Variants in F5 observed in about 807,000 individuals in gnomAD.
F5 encodes the protein activated protein c cofactor.
A neutral mutation model predicts 216.4 loss-of-function variants in F5; 138 were observed. That is an observed-to-expected ratio of 0.64 (90% CI 0.56 to 0.73). F5 has a LOEUF of 0.73. Ranked by LOEUF, F5 falls within the 30% of genes least tolerant of loss-of-function variation. The pLI is 0.00. For missense variants in F5, 2,403 were observed against 2,674.0 expected, an observed-to-expected ratio of 0.90 and a Z score of 2.24; for synonymous variants, 916 against 930.7, an observed-to-expected ratio of 0.98 and a Z score of 0.29.
chr1:169,534,886 T>C (rs1659671132), intron 14 of F5, among the ~76,000 whole-genome samples: 1 of 152,062 alleles, frequency 6.6e-6, no homozygotes, highest in Non-Finnish European at 1.5e-5. Flanking sequence ...TGCAACAACA[T>C]GGATGCCAGC....
chr1:169,558,298 T>G (rs373922859), intron 5 of F5, among the ~76,000 whole-genome samples: 1 of 152,152 alleles, frequency 6.6e-6, no homozygotes, highest in Non-Finnish European at 1.5e-5. Flanking sequence ...GGGATCAACA[T>G]TGAGAGTCAT....
rs140462328 is a variant in F5 at position 169,550,799 on chromosome 1, G to T, written c.1297-60C>A. On this transcript the variant is annotated intron_variant, in intron 8 of 24. Coordinates refer to ENST00000367797, the MANE Select transcript of F5 (RefSeq NM_000130.5). ...AGGTTGATCATGACAAATAATATAA[G>T]ATACTAGCTTTGCATATTCACCTTT... 19 of 1,257,664 alleles carry T rather than the reference G, an allele frequency of 1.5e-5. No individual in the cohort carries two copies. The East Asian group carries it at 4.5e-4, about 30-fold the overall frequency. The allele number at this position is 1,257,664 out of a possible 1,614,324, so 77.9% of individuals were successfully genotyped here.
intron 17 of F5, among the ~76,000 whole-genome samples, chr1:169,526,310 C>G (rs1043277618): frequency 2.6e-5 from 4 of 152,156 alleles, no homozygotes; most frequent in Admixed American, 2.0e-4. Context: ...GCTTCACAGT[C>G]CTAATTATCA....
intron 15 of F5, among the ~76,000 whole-genome samples, chr1:169,530,263 G>A (rs1251415944): frequency 1.3e-5 from 2 of 152,134 alleles, no homozygotes; most frequent in South Asian, 4.1e-4. Context: ...AATTTCCTAG[G>A]ATTATGCATT....
chr1:169,536,500 A>T lies in F5; in HGVS notation c.4971+6T>A. On this transcript the variant is annotated splice_donor_region_variant and intron_variant, in intron 14 of 24. Coordinates refer to ENST00000367797, the MANE Select transcript of F5 (RefSeq NM_000130.5). Reference sequence around the variant, plus strand: ...CGAAGATCTTAGCAGTGCTCAAAAGACTTACTTGGATAACATCATCCACTT... The same window carrying T: ...CGAAGATCTTAGCAGTGCTCAAAAGTCTTACTTGGATAACATCATCCACTT... 1.2e-6 allele frequency: 2 copies of T among 1,612,700 alleles called. No homozygotes were observed. Among genetic ancestry groups the T allele is most frequent in the Non-Finnish European group, 1.7e-6 (2 of 1,178,984 alleles).
intron 2 of F5, among the ~76,000 whole-genome samples, chr1:169,579,336 G>C (rs1370913444): frequency 1.3e-5 from 2 of 152,054 alleles, no homozygotes; most frequent in African/African-American, 4.8e-5. Context: ...CTCATCCCTT[G>C]GACTTTGCTG....
rs2213868 is a variant in F5, at chr1:169,552,315, G to A, written c.1296+242C>T. ...CTGTGGCTTTATTTTCTTTGTCCCC[G>A]TATTCTATCCCAATTACATAGACTC... On this transcript the variant is annotated intron_variant, in intron 8 of 24. Transcript: ENST00000367797. Among the ~76,000 whole-genome samples the A allele has an allele frequency of 0.95, 144,930 of 152,282 alleles. 69,009 individuals carry two copies. The highest frequency in any genetic ancestry group is 1 in the East Asian group (5,190 of 5,192).
At chr1:169,555,414 T>G in intron 6 of F5, 67 bp from the exon 7 acceptor site, 1 of 1,461,350 alleles carries the variant, frequency 6.8e-7, no homozygotes, top group Non-Finnish European at 9.6e-7. Flanking sequence ...GAAATGCATA[T>G]CCTTTAAATC....
chr1:169,517,656 C>A (rs1157701209), intron 23 of F5, among the ~76,000 whole-genome samples: 1 of 152,042 alleles, frequency 6.6e-6, no homozygotes, highest in South Asian at 2.1e-4. Context: ...ATTAAATCAC[C>A]TGAATTACTC....
At chr1:169,526,975 T>C (rs370405101) in intron 17 of F5, among the ~76,000 whole-genome samples, 8 of 152,206 alleles carry the variant, frequency 5.3e-5, no homozygotes, top group African/African-American at 1.9e-4. Context: ...CCTCTTTTTT[T>C]CCCTGCTCTT....
chr1:169,523,045 T>C (rs1659348430), intron 21 of F5, 152 bp downstream of exon 21: 7 of 816,812 alleles, frequency 8.6e-6, no homozygotes, highest in Non-Finnish European at 1.4e-5. Context: ...CCTATCATAT[T>C]ACTGCTTTTC....
intron 11 of F5, among the ~76,000 whole-genome samples, chr1:169,546,058 C>G (rs3766112): frequency 0.23 from 35,293 of 151,890 alleles, 4,170 homozygotes; most frequent in Admixed American, 0.33. Flanking sequence ...TACTTGCCTT[C>G]TTTCTGTCCT....
chr1:169,540,345 T>C lies in F5; in HGVS notation c.4745A>G (p.Tyr1582Cys). The change falls in exon 13 of 25, where the codon TAT becomes TGT. Residue 1582 changes from tyrosine (Y) to cysteine (C), a missense_variant. Tyr to Cys is a radical substitution (Grantham distance 194, BLOSUM62 -2). This residue lies in a region of F5 where 659 missense variants were observed against 787.9 expected (regional missense o/e 0.84). Coordinates refer to ENST00000367797, the MANE Select transcript of F5 (RefSeq NM_000130.5). ...GGATATTTCTTCAGCAGCAATGTAA[T>C]AATTTCTTCTGTTTCCATTGTTGCT... ...LRSNNGNRRN[Y>C]YIAAEEISWD... The C allele has an allele frequency of 6.2e-7, 1 of 1,614,020 alleles. No individual in the cohort carries two copies. The highest frequency in any genetic ancestry group is 8.5e-7 in the Non-Finnish European group (1 of 1,179,910).
chr1:169,515,346 G>A (rs1659133559), intron 24 of F5, 98 bp downstream of exon 24: 2 of 1,347,278 alleles, frequency 1.5e-6, no homozygotes, highest in Non-Finnish European at 2.1e-6. Context: ...TTAAAGAGGT[G>A]GTACATGTCA....
At chr1:169,531,803 C>G (rs1479824408) in intron 14 of F5, among the ~76,000 whole-genome samples, 1 of 152,034 alleles carries the variant, frequency 6.6e-6, no homozygotes, top group Non-Finnish European at 1.5e-5. Flanking sequence ...TCTATAACTT[C>G]TAGTGATTAA....
intron 3 of F5, among the ~76,000 whole-genome samples, chr1:169,564,442 G>A (rs901196174): frequency 1.3e-5 from 2 of 151,898 alleles, no homozygotes; most frequent in Admixed American, 6.6e-5. Flanking sequence ...TGCTTGTGCT[G>A]TTCCCTGGAA....
intron 10 of F5, 57 bp downstream of exon 10, chr1:169,549,744 G>A: frequency 7.4e-7 from 1 of 1,352,206 alleles, no homozygotes; most frequent in Non-Finnish European, 1.1e-6. Flanking sequence ...GACCTAACAT[G>A]TTCTAGCCAG....
At chr1:169,531,131 T>C (rs1255086846) in intron 14 of F5, 109 bp from the exon 15 acceptor site, 6 of 804,716 alleles carry the variant, frequency 7.5e-6, no homozygotes, top group Non-Finnish European at 1.3e-5. Flanking sequence ...GGAGCTAAGA[T>C]ATAAGGTACA....
At chr1:169,557,493 C>A (rs1216588155) in intron 5 of F5, among the ~76,000 whole-genome samples, 1 of 152,128 alleles carries the variant, frequency 6.6e-6, no homozygotes, top group Non-Finnish European at 1.5e-5. Flanking sequence ...TACACACTCT[C>A]CTTAAAATGC....
Sources: gnomAD v4.1 joint callset for allele counts (sites outside exome capture counted in the v4.1 genomes callset) on GRCh38, gnomAD v4.1.1 for gene constraint, gnomAD v4.1.1 regional missense constraint, MANE v1.5 for transcripts, NCBI Gene and HGNC (gene_info 2026-07-23, HGNC 2026-07-21) for gene names.